The following MET variants were observed in gnomAD, a reference collection of about 807,000 sequenced individuals.
The protein encoded by MET is hepatocyte growth factor receptor.
Under a neutral mutation model 133.1 loss-of-function variants are expected in MET, and 48 were observed. That is an observed-to-expected ratio of 0.36 (90% CI 0.29 to 0.46). MET has a LOEUF of 0.46. MET is among the 20% of genes least tolerant of loss of function. MET has a pLI of 1.00. For missense variants in MET, 1,442 were observed against 1,695.9 expected (o/e 0.85, Z 2.63); for synonymous variants, 628 against 616.5 (o/e 1.02, Z -0.28).
At chr7:116,770,588 T>TC (rs1794801759) in intron 12 of MET, among the ~76,000 whole-genome samples, 1 of 152,060 alleles carries the variant, frequency 6.6e-6, no homozygotes. Flanking sequence ...TACCCTTCTC[T>TC]CCCCCGGCTC....
chr7:116,721,695 C>T (rs999098207), intron 2 of MET, among the ~76,000 whole-genome samples: 6 of 151,922 alleles, frequency 3.9e-5, no homozygotes, highest in Non-Finnish European at 5.9e-5. Context: ...TCTTTGTTCT[C>T]GTTGGTTTCA....
chr7:116,706,146 G>A (rs755827594), intron 2 of MET, among the ~76,000 whole-genome samples: 6 of 152,112 alleles, frequency 3.9e-5, no homozygotes, highest in East Asian at 1.9e-4. Context: ...GGTTTTACCC[G>A]TGGGTTATAT....
At chr7:116,737,031 G>T (rs924502271) in intron 3 of MET, among the ~76,000 whole-genome samples, 1 of 152,158 alleles carries the variant, frequency 6.6e-6, no homozygotes, top group African/African-American at 2.4e-5. Context: ...AGAATTAAGG[G>T]TAGAAAAACA....
intron 10 of MET, among the ~76,000 whole-genome samples, chr7:116,759,923 G>A (rs1340598485): frequency 2.0e-5 from 3 of 152,060 alleles, no homozygotes; most frequent in East Asian, 1.9e-4. Flanking sequence ...CTACAGGCAC[G>A]AGCCATCATG....
chr7:116,752,347 G>A (rs966272521), intron 5 of MET, among the ~76,000 whole-genome samples: 2 of 152,164 alleles, frequency 1.3e-5, no homozygotes, highest in Non-Finnish European at 2.9e-5. Flanking sequence ...GCCCATCAGT[G>A]ATGTGATCTT....
intron 2 of MET, among the ~76,000 whole-genome samples, chr7:116,702,242 T>C (rs1562885829): frequency 6.6e-6 from 1 of 152,158 alleles, no homozygotes; most frequent in Non-Finnish European, 1.5e-5. Flanking sequence ...AGATGGAACT[T>C]GCCAACATAG....
Position 116,795,786 on chromosome 7 carries a change from C to A in MET, c.3930C>A (p.Asp1310Glu), listed in dbSNP as rs773763852. The stretch of plus-strand genomic sequence containing the variant: ...TCCTACAACCCGAATACTGCCCAGA[C>A]CCCTTGTAAGTAGTCTTTCTGTACC... Reference protein sequence around the residue: ...RRLLQPEYCPDPLYEVMLKCW... With the variant: ...RRLLQPEYCPEPLYEVMLKCW... The change falls in exon 20 of 21, where the codon GAC (aspartate) becomes GAA (glutamate). Residue 1310 changes from aspartate (D) to glutamate (E), a missense_variant. By Grantham distance (45) the Asp-to-Glu change is conservative. Around this residue, in one of 6 missense-constraint regions of MET, gnomAD observed 94 missense variants for 109.5 expected, o/e 0.86. Coordinates refer to ENST00000397752, the MANE Select transcript of MET (RefSeq NM_000245.4). The A allele has an allele frequency of 6.2e-7, 1 of 1,614,190 alleles. No individual in the cohort carries two copies. The highest frequency in any genetic ancestry group is 8.5e-7 in the Non-Finnish European group (1 of 1,180,028).
rs758738756 is a variant in MET at position 116,795,948 on chromosome 7, C to G, written c.3997C>G (p.Leu1333Val). 31 of 1,614,054 alleles carry G rather than the reference C, an allele frequency of 1.9e-5. No homozygotes were observed. Among genetic ancestry groups the G allele is most frequent in the Non-Finnish European group, 2.6e-5 (31 of 1,180,022 alleles). ...KAEMRPSFSE[L>V]VSRISAIFST... ...CGAAATGCGCCCATCCTTTTCTGAACTGGTGTCCCGGATATCAGCGATCTT... is the reference window on the plus strand; with the variant it reads ...CGAAATGCGCCCATCCTTTTCTGAAGTGGTGTCCCGGATATCAGCGATCTT... Residue 1333 changes from leucine (L) to valine (V), a missense_variant, in exon 21 of 21, where the codon CTG becomes GTG. Physicochemically the swap from Leu to Val is conservative, Grantham distance 32. Coordinates refer to ENST00000397752, the MANE Select transcript of MET (RefSeq NM_000245.4).
intron 1 of MET, among the ~76,000 whole-genome samples, chr7:116,687,782 C>A (rs956752638): frequency 6.6e-6 from 1 of 152,204 alleles, no homozygotes; most frequent in East Asian, 1.9e-4. Flanking sequence ...AATAGCACTA[C>A]AAGGAACGCC....
intron 1 of MET, among the ~76,000 whole-genome samples, chr7:116,688,899 A>G (rs1221599495): frequency 2.6e-5 from 4 of 152,240 alleles, no homozygotes; most frequent in Non-Finnish European, 5.9e-5. Context: ...TAAAAGCACT[A>G]TCTGTCAAAG....
At chr7:116,794,124 C>A (rs1421059305) in intron 19 of MET, among the ~76,000 whole-genome samples, 1 of 152,086 alleles carries the variant, frequency 6.6e-6, no homozygotes, top group East Asian at 1.9e-4. Flanking sequence ...GATATTACTG[C>A]TCTATATTAC....
At chr7:116,735,122 T>C (rs1014002694) in intron 3 of MET, among the ~76,000 whole-genome samples, 1 of 152,176 alleles carries the variant, frequency 6.6e-6, no homozygotes, top group Non-Finnish European at 1.5e-5. Context: ...GCAACTACTA[T>C]GTGCACTACA....
At chr7:116,787,576 C>T (rs1229971370) in intron 19 of MET, among the ~76,000 whole-genome samples, 1 of 152,046 alleles carries the variant, frequency 6.6e-6, no homozygotes, top group African/African-American at 2.4e-5. Flanking sequence ...TAACAAACCC[C>T]CTTCCACAAT....
chr7:116,778,386 T>A (rs1308549163), intron 16 of MET, among the ~76,000 whole-genome samples: 1 of 152,232 alleles, frequency 6.6e-6, no homozygotes, highest in Non-Finnish European at 1.5e-5. Flanking sequence ...TACTTTACTG[T>A]CACAATTATT....
At position 116,741,016 on chromosome 7, in the gene MET, A is replaced by C. The variant is rs780855618; in HGVS notation, c.1692A>C (p.Ala564=). The C allele has an allele frequency of 6.2e-7, 1 of 1,613,094 alleles. No individual in the cohort carries two copies. The highest frequency in any genetic ancestry group is 2.2e-5 in the East Asian group (1 of 44,858). Residue 564 remains alanine (A), a synonymous_variant, in exon 5 of 21, where the codon GCA becomes GCC. Transcript: ENST00000397752. ...GTWTQQICLP[A]IYKVFPNSAP... is the part of the protein sequence containing the mutation. ...GGACTCAACAGATCTGTCTGCCTGC[A>C]ATCTACAAGGTAGGAATCTCTAACA...
rs1379482761 is a variant in MET at position 116,797,651 on chromosome 7, A to G, written c.*1527A>G. The G allele has an allele frequency of 8.9e-6, 2 of 225,450 alleles. No homozygotes were observed. Among genetic ancestry groups the G allele is most frequent in the African/African-American group, 4.5e-5 (2 of 44,872 alleles). 14.0% of individuals were successfully genotyped at this position (225,450 alleles called of 1,614,324 possible). A position where few individuals can be genotyped will look rare whatever the true frequency, so the allele number is the denominator to read the frequency against. On this transcript the variant is annotated 3_prime_UTR_variant, in exon 21 of 21. Transcript: ENST00000397752. Reference sequence around the variant, plus strand: ...TTTATAAAAATGTTTATTTTTAATGATATGAGAAAAATTTTGTTAGGCCAC... The same window carrying G: ...TTTATAAAAATGTTTATTTTTAATGGTATGAGAAAAATTTTGTTAGGCCAC...
At chr7:116,770,091 C>A (rs1483667562) in intron 12 of MET, among the ~76,000 whole-genome samples, 1 of 152,148 alleles carries the variant, frequency 6.6e-6, no homozygotes, top group East Asian at 1.9e-4. Context: ...CAAGAGTGTC[C>A]TTCTACTGCC....
At chr7:116,763,025 A>G in intron 10 of MET, 25 bp from the exon 11 acceptor site, 1 of 1,583,036 alleles carries the variant, frequency 6.3e-7, no homozygotes, top group South Asian at 1.1e-5. Flanking sequence ...TTCTGTTTAC[A>G]GTGGATAATT....
intron 10 of MET, among the ~76,000 whole-genome samples, chr7:116,762,256 C>G (rs1391553931): frequency 6.6e-6 from 1 of 152,130 alleles, no homozygotes; most frequent in East Asian, 1.9e-4. Flanking sequence ...AGTGAAGACA[C>G]TGAATTTTGG....
Sources: allele counts gnomAD v4.1 joint callset (sites outside exome capture counted in the v4.1 genomes callset), GRCh38; gene constraint gnomAD v4.1.1; regional missense constraint gnomAD v4.1.1; transcripts MANE v1.5; gene names NCBI Gene and HGNC (gene_info 2026-07-23, HGNC 2026-07-21).